BBX: variants seen among roughly 807,000 people sequenced by gnomAD.
BBX encodes BBX high mobility group box domain containing.
In BBX, 30 loss-of-function variants were observed where a neutral mutation model predicts 100.2. The ratio of observed to expected loss-of-function variants is 0.30; its 90% confidence interval spans 0.22 to 0.41. The LOEUF (loss-of-function observed/expected upper bound fraction) is 0.41, where lower values mean the gene tolerates loss of function less well. Ranked by LOEUF, BBX falls within the 10% of genes least tolerant of loss-of-function variation. The pLI is 1.00. For missense variants in BBX, 1,023 were observed against 1,129.8 expected, an observed-to-expected ratio of 0.91 and a Z score of 1.35; for synonymous variants, 376 against 388.1, an observed-to-expected ratio of 0.97 and a Z score of 0.37.
chr3:107,801,049 A>G, intron 16 of BBX, 46 bp from the exon 17 acceptor site: 2 of 1,575,094 alleles, frequency 1.3e-6, no homozygotes, highest in Non-Finnish European at 8.7e-7. Context: ...TCTTCTCTGG[A>G]GAGAACAGAG....
chr3:107,779,018 T>C (rs1264030775), intron 13 of BBX, among the ~76,000 whole-genome samples: 1 of 82,924 alleles, frequency 1.2e-5, no homozygotes, highest in African/African-American at 4.1e-5. Flanking sequence ...TATATATATA[T>C]ATACACACAC....
intron 2 of BBX, among the ~76,000 whole-genome samples, chr3:107,544,206 C>G (rs1227745483): frequency 6.6e-6 from 1 of 152,208 alleles, no homozygotes; most frequent in Non-Finnish European, 1.5e-5. Flanking sequence ...ATCTGGGCAG[C>G]TGCGACTCTA....
chr3:107,761,723 A>C (rs2065914254), intron 10 of BBX, among the ~76,000 whole-genome samples: 1 of 152,188 alleles, frequency 6.6e-6, no homozygotes, highest in East Asian at 1.9e-4. Flanking sequence ...GAAATTCAAT[A>C]ATAGAAGAGT....
chr3:107,585,895 T>C (rs1035735501), intron 2 of BBX, among the ~76,000 whole-genome samples: 1 of 152,202 alleles, frequency 6.6e-6, no homozygotes, highest in Admixed American at 6.5e-5. Context: ...CAGTGACCCA[T>C]TAACTAAGAG....
intron 2 of BBX, among the ~76,000 whole-genome samples, chr3:107,545,575 A>AGAC (rs1262707184): frequency 6.6e-6 from 1 of 152,206 alleles, no homozygotes; most frequent in African/African-American, 2.4e-5. Context: ...GGGCCACTGA[A>AGAC]GACTGTACAG....
intron 2 of BBX, among the ~76,000 whole-genome samples, chr3:107,593,539 A>G (rs958612219): frequency 2.0e-5 from 3 of 152,224 alleles, no homozygotes. Flanking sequence ...TATTGAGTGC[A>G]ACACAGCATA....
At chr3:107,552,287 T>G (rs546872989) in intron 2 of BBX, among the ~76,000 whole-genome samples, 1 of 138,602 alleles carries the variant, frequency 7.2e-6, no homozygotes, top group African/African-American at 2.8e-5. Flanking sequence ...AAGGCTGCAG[T>G]GAGCCATGAT....
At chr3:107,670,784 A>G (rs1423174114) in intron 3 of BBX, among the ~76,000 whole-genome samples, 3 of 152,072 alleles carry the variant, frequency 2.0e-5, no homozygotes, top group Non-Finnish European at 4.4e-5. Context: ...AATAATAATT[A>G]TTTTACAGAT....
chr3:107,708,401 C>T (rs148526188), intron 3 of BBX, among the ~76,000 whole-genome samples: 2,499 of 152,190 alleles, frequency 0.016, 64 homozygotes, highest in African/African-American at 0.057. Context: ...GAAGGCCGGG[C>T]GTGGTGGCTC....
At chr3:107,791,352 A>C in intron 15 of BBX, 53 bp downstream of exon 15, 4 of 1,482,268 alleles carry the variant, frequency 2.7e-6, no homozygotes, top group Non-Finnish European at 3.8e-6. Flanking sequence ...GAAATGACAT[A>C]AGTTGTATAG....
intron 2 of BBX, among the ~76,000 whole-genome samples, chr3:107,642,989 A>G (rs2057309402): frequency 6.6e-6 from 1 of 152,192 alleles, no homozygotes; most frequent in African/African-American, 2.4e-5. Flanking sequence ...CTTCTGTGTA[A>G]GTGGGCAGCA....
chr3:107,619,721 T>A (rs2055595752), intron 2 of BBX, among the ~76,000 whole-genome samples: 1 of 152,158 alleles, frequency 6.6e-6, no homozygotes, highest in Non-Finnish European at 1.5e-5. Context: ...GGGTATAGGA[T>A]CCTGGATCGA....
intron 2 of BBX, among the ~76,000 whole-genome samples, chr3:107,544,841 TAAA>T (rs71764209): frequency 1.0e-5 from 1 of 99,352 alleles, no homozygotes; most frequent in Admixed American, 1.1e-4. Context: ...CTGTCTCTAC[TAAA>T]AAAAAAAAAA....
At chr3:107,557,810 T>G (rs2107459437) in intron 2 of BBX, among the ~76,000 whole-genome samples, 1 of 152,256 alleles carries the variant, frequency 6.6e-6, no homozygotes, top group Admixed American at 6.5e-5. Context: ...TTGATTTCAG[T>G]TGTTAGTGTT....
At chr3:107,698,962 TG>T (rs2060857023) in intron 3 of BBX, among the ~76,000 whole-genome samples, 1 of 151,462 alleles carries the variant, frequency 6.6e-6, no homozygotes, top group Non-Finnish European at 1.5e-5. Context: ...AGAAGGATGG[TG>T]AACAAGGAAA....
chr3:107,654,782 T>C (rs2058040951), intron 3 of BBX, among the ~76,000 whole-genome samples: 1 of 152,200 alleles, frequency 6.6e-6, no homozygotes. Context: ...CTAACTCAGC[T>C]GTTTACCGTA....
chr3:107,764,116 C>A (rs539614985), intron 10 of BBX, among the ~76,000 whole-genome samples: 2 of 152,250 alleles, frequency 1.3e-5, no homozygotes, highest in East Asian at 3.9e-4. Flanking sequence ...CCTCAGCCTC[C>A]TGAGTAGTTA....
intron 3 of BBX, among the ~76,000 whole-genome samples, chr3:107,674,608 G>A (rs1359364692): frequency 6.6e-6 from 1 of 152,162 alleles, no homozygotes. Context: ...TTGCAGCCTG[G>A]CGGCAGCAGT....
At chr3:107,676,837 GCTTTT>G (rs753377669) in intron 3 of BBX, among the ~76,000 whole-genome samples, 6 of 152,170 alleles carry the variant, frequency 3.9e-5, no homozygotes, top group Non-Finnish European at 5.9e-5. Context: ...ATGCAGAATA[GCTTTT>G]TAAAAGATCA....
Sources: allele counts gnomAD v4.1 joint callset (sites outside exome capture counted in the v4.1 genomes callset), GRCh38; gene constraint gnomAD v4.1.1; transcripts MANE v1.5; gene names NCBI Gene and HGNC (gene_info 2026-07-23, HGNC 2026-07-21).